The following CARMIL1 variants were observed in gnomAD, a reference collection of about 807,000 sequenced individuals.
The protein encoded by CARMIL1 is capping protein regulator and myosin 1 linker 1.
CARMIL1 carries 90 observed loss-of-function variants against 177.1 expected under a neutral mutation model. The observed-to-expected ratio is 0.51, with a 90% CI of 0.43 to 0.61. The LOEUF is 0.61. Among genes scored for constraint, CARMIL1 ranks in the 20% least tolerant of loss-of-function variants. The pLI is 0.00. For missense variants in CARMIL1, 1,380 were observed against 1,667.0 expected (o/e 0.83, Z 3.00); for synonymous variants, 577 against 606.2 (o/e 0.95, Z 0.71).
At chr6:25,530,710 A>G (rs1260833817) in intron 24 of CARMIL1, among the ~76,000 whole-genome samples, 3 of 152,206 alleles carry the variant, frequency 2.0e-5, no homozygotes, top group African/African-American at 7.2e-5. Flanking sequence ...TTACTTGAAT[A>G]AATTCTCAAA....
chr6:25,407,891 C>G (rs1410176479), intron 2 of CARMIL1, among the ~76,000 whole-genome samples: 1 of 152,150 alleles, frequency 6.6e-6, no homozygotes, highest in African/African-American at 2.4e-5. Flanking sequence ...ATGTGAATCA[C>G]CTGGGGATTT....
intron 20 of CARMIL1, among the ~76,000 whole-genome samples, chr6:25,512,476 G>C (rs402965): frequency 0.44 from 66,303 of 151,860 alleles, 14,861 homozygotes; most frequent in Middle Eastern, 0.51. Context: ...TGGTAATATG[G>C]AAAATAATTT....
intron 1 of CARMIL1, among the ~76,000 whole-genome samples, chr6:25,281,272 G>T (rs2744271): frequency 0.051 from 7,719 of 152,002 alleles, 592 homozygotes; most frequent in African/African-American, 0.17. Context: ...CTGGGAGGCT[G>T]CGACCTTTCC....
intron 2 of CARMIL1, among the ~76,000 whole-genome samples, chr6:25,333,332 G>T (rs974253305): frequency 4.2e-4 from 64 of 152,312 alleles, no homozygotes; most frequent in African/African-American, 1.5e-3. Flanking sequence ...GGAGGCTGAG[G>T]TGGGTGGATT....
At chr6:25,289,375 T>C (rs1470831741) in intron 2 of CARMIL1, among the ~76,000 whole-genome samples, 3 of 152,394 alleles carry the variant, frequency 2.0e-5, no homozygotes, top group East Asian at 1.9e-4. Flanking sequence ...TTTTAACTTA[T>C]GTATTTTTTA....
chr6:25,589,511 C>T (rs1226480661), intron 31 of CARMIL1, among the ~76,000 whole-genome samples: 1 of 152,060 alleles, frequency 6.6e-6, no homozygotes, highest in Non-Finnish European at 1.5e-5. Flanking sequence ...ATTTTTGAGA[C>T]AGGGTCTCAC....
In CARMIL1 at chr6:25,527,732, A is replaced by C. The variant is rs12111121; in HGVS notation, c.1969-1063A>C. The C allele has an allele frequency of 2.1e-3, 925 of 437,340 alleles. 5 individuals are homozygous for C. Among genetic ancestry groups the C allele is most frequent in the African/African-American group, 0.017 (821 of 49,116 alleles). The allele number at this position is 437,340 out of a possible 1,614,324, so 27.1% of individuals were successfully genotyped here. The stretch of plus-strand genomic sequence containing the variant: ...CTTCATTTATGTTTAATGGAAAGGT[A>C]CATTTTGTTCTGCTTTATATTTTCA... On this transcript the variant is annotated intron_variant, in intron 23 of 36. Transcript: ENST00000329474.
At position 25,606,080 on chromosome 6, in the gene CARMIL1, T is replaced by A; in HGVS notation, c.3654T>A (p.Gly1218=). 1.2e-6 allele frequency: 2 copies of A among 1,613,734 alleles called. No homozygotes were observed. The highest frequency in any genetic ancestry group is 1.7e-6 in the Non-Finnish European group (2 of 1,179,748). The part of the protein sequence containing the change: ...GGGAVPKLHP[G]LPENRFGLGT... ...TCTTAGTGCCTAAACTGCACCCAGG[T>A]CTTCCAGAGAACCGCTTTGGTTTGG... Residue 1218 remains glycine (G), a synonymous_variant, in exon 35 of 37, where the codon GGT becomes GGA. Coordinates refer to ENST00000329474, the MANE Select transcript of CARMIL1 (RefSeq NM_017640.6).
intron 2 of CARMIL1, among the ~76,000 whole-genome samples, chr6:25,353,894 G>A (rs1883392): frequency 2.0e-5 from 3 of 152,120 alleles, no homozygotes; most frequent in Admixed American, 6.5e-5. Context: ...GTGCTTCTCC[G>A]TTAGAAGAAG....
At chr6:25,491,893 G>A in intron 14 of CARMIL1, 55 bp from the exon 15 acceptor site, 1 of 1,576,506 alleles carries the variant, frequency 6.3e-7, no homozygotes, top group South Asian at 1.1e-5. Flanking sequence ...TCTAATAAAA[G>A]ATTCTCCTGG....
At chr6:25,502,009 A>AG in intron 17 of CARMIL1, among the ~76,000 whole-genome samples, 1 of 151,404 alleles carries the variant, frequency 6.6e-6, no homozygotes, top group East Asian at 1.9e-4. Flanking sequence ...AAAAAAAAAA[A>AG]AAACCCAAAC....
At chr6:25,556,906 T>TTG in intron 29 of CARMIL1, 56 bp downstream of exon 29, 2 of 1,336,858 alleles carry the variant, frequency 1.5e-6, no homozygotes, top group Non-Finnish European at 2.0e-6. Flanking sequence ...GTGCCATTGT[T>TTG]TTTTTTTTTT....
chr6:25,372,111 T>C (rs369491563), intron 2 of CARMIL1, among the ~76,000 whole-genome samples: 1 of 152,238 alleles, frequency 6.6e-6, no homozygotes, highest in Non-Finnish European at 1.5e-5. Flanking sequence ...CATTGGTCTA[T>C]GTATCTACTT....
chr6:25,390,320 A>ATATATTTT lies in CARMIL1; in HGVS notation c.139-29793_139-29792insATATTTTT, dbSNP rs1554184839. On this transcript the variant is annotated intron_variant, in intron 2 of 36. Coordinates refer to ENST00000329474, the MANE Select transcript of CARMIL1 (RefSeq NM_017640.6). ...TATATATATATATATATATATATAT[A>ATATATTTT]TTTTTTTTTTTTTTTTTTTGAGACA... Among the ~76,000 whole-genome samples the ATATATTTT allele has an allele frequency of 6.9e-5, 4 of 58,100 alleles. No homozygotes were observed. The South Asian group carries it at 2.6e-3, about 38-fold the overall frequency. The allele number at this position is 58,100 out of a possible 152,430, so 38.1% of individuals were successfully genotyped here. A position where few individuals can be genotyped will look rare whatever the true frequency, so the allele number is the denominator to read the frequency against.
chr6:25,551,824 G>A (rs1582335786), intron 27 of CARMIL1, among the ~76,000 whole-genome samples: 1 of 152,070 alleles, frequency 6.6e-6, no homozygotes, highest in Admixed American at 6.6e-5. Flanking sequence ...ATATTTAGAT[G>A]TAGCAGAAAT....
chr6:25,384,202 G>T (rs971881896), intron 2 of CARMIL1, among the ~76,000 whole-genome samples: 1 of 152,214 alleles, frequency 6.6e-6, no homozygotes, highest in Admixed American at 6.5e-5. Context: ...TTGCCTCAAT[G>T]CTTTATTTGA....
intron 2 of CARMIL1, among the ~76,000 whole-genome samples, chr6:25,325,383 T>A (rs12196702): frequency 0.34 from 51,381 of 152,048 alleles, 8,936 homozygotes; most frequent in Admixed American, 0.4. Context: ...TATTTAACTA[T>A]CTTTAAAAAA....
rs1359537411 is a variant in CARMIL1 at position 25,581,411 on chromosome 6, A to G, written c.2978A>G (p.Asn993Ser). Residue 993 changes from asparagine (N) to serine (S), a missense_variant, in exon 31 of 37, where the codon AAT (asparagine) becomes AGT (serine). Asn to Ser is a conservative substitution (Grantham distance 46). Transcript: ENST00000329474. Reference protein sequence around the residue: ...EHFTKLRPKRNKKQQPTQAAV... With the variant: ...EHFTKLRPKRSKKQQPTQAAV... Reference sequence around the variant, plus strand: ...TTTACCAAGTTAAGGCCAAAAAGGAATAAGAAGCAGCAACCCACCCAAGCA... The same window carrying G: ...TTTACCAAGTTAAGGCCAAAAAGGAGTAAGAAGCAGCAACCCACCCAAGCA... 2 of 1,612,696 alleles carry G rather than the reference A, an allele frequency of 1.2e-6. No individual in the cohort carries two copies. The highest frequency in any genetic ancestry group is 1.1e-5 in the South Asian group (1 of 90,812).
chr6:25,367,920 C>T (rs769936981), intron 2 of CARMIL1, among the ~76,000 whole-genome samples: 4 of 152,168 alleles, frequency 2.6e-5, no homozygotes, highest in African/African-American at 7.2e-5. Context: ...CCACCATACC[C>T]GGCTGATTTT....
Sources: allele counts gnomAD v4.1 joint callset (sites outside exome capture counted in the v4.1 genomes callset), GRCh38; gene constraint gnomAD v4.1.1; transcripts MANE v1.5; gene names NCBI Gene and HGNC (gene_info 2026-07-23, HGNC 2026-07-21).